Variants in MDGA1 observed in about 807,000 individuals in gnomAD.
MDGA1 encodes MAM domain-containing glycosylphosphatidylinositol anchor protein 1.
MDGA1 carries 54 observed loss-of-function variants against 101.5 expected under a neutral mutation model. The observed-to-expected ratio is 0.53, with a 90% CI of 0.43 to 0.67. MDGA1 has a LOEUF of 0.67. Among genes scored for constraint, MDGA1 ranks in the 30% least tolerant of loss-of-function variants. The probability of loss-of-function intolerance (pLI) is 0.00; values close to 1 mark genes in which losing one functional copy is unlikely to be tolerated. For missense variants in MDGA1, 1,083 were observed against 1,323.8 expected (o/e 0.82, Z 2.82); for synonymous variants, 533 against 558.3 (o/e 0.95, Z 0.64).
chr6:37,671,607 C>T (rs1157057140), intron 1 of MDGA1, among the ~76,000 whole-genome samples: 1 of 152,182 alleles, frequency 6.6e-6, no homozygotes, highest in Non-Finnish European at 1.5e-5. Context: ...TAGGGGCTTC[C>T]AGCACCCAGT....
rs1581857609 is a variant in MDGA1 at position 37,651,899 on chromosome 6, G to C, written c.1312+112C>G. 17 of 836,018 alleles carry C rather than the reference G, an allele frequency of 2.0e-5. No individual in the cohort carries two copies. The East Asian group carries it at 4.6e-4, about 22-fold the overall frequency. 51.8% of individuals were successfully genotyped at this position (836,018 alleles called of 1,614,324 possible). ...TAAAAGCACGTGGCATGAACAAGTG[G>C]TGGCCTCCTCACTCTGGCTTCCCTT... On this transcript the variant is annotated intron_variant, in intron 7 of 16. Transcript: ENST00000434837.
chr6:37,690,114 T>C (rs1234944010), intron 1 of MDGA1, among the ~76,000 whole-genome samples: 1 of 152,212 alleles, frequency 6.6e-6, no homozygotes, highest in Admixed American at 6.5e-5. Context: ...CACATTGGAC[T>C]CCTCACTGTT....
At chr6:37,680,082 T>C (rs1762062004) in intron 1 of MDGA1, among the ~76,000 whole-genome samples, 1 of 152,184 alleles carries the variant, frequency 6.6e-6, no homozygotes. Context: ...GAGCTGCTAG[T>C]TACTGACACC....
intron 2 of MDGA1, among the ~76,000 whole-genome samples, chr6:37,660,309 C>G (rs1023739029): frequency 6.6e-6 from 1 of 151,968 alleles, no homozygotes; most frequent in South Asian, 2.1e-4. Flanking sequence ...AGCCACTGCA[C>G]CTGGTCCTTC....
In MDGA1 at chr6:37,686,871, C is replaced by A. The variant is rs146555484; in HGVS notation, c.67+9874G>T. Among the ~76,000 whole-genome samples the A allele has an allele frequency of 6.0e-3, 908 of 152,288 alleles. 13 individuals are homozygous for A. The highest frequency in any genetic ancestry group is 0.02 in the African/African-American group (850 of 41,560). ...TTGAGAAAGTCATCATTTGTTTAAGCCTTTCTGGTCAGGTCTTTCTTTCTA... is the reference window on the plus strand; with the variant it reads ...TTGAGAAAGTCATCATTTGTTTAAGACTTTCTGGTCAGGTCTTTCTTTCTA... On this transcript the variant is annotated intron_variant, in intron 1 of 16. Transcript: ENST00000434837.
Position 37,655,064 on chromosome 6 carries a change from C to T in MDGA1, c.580-132G>A. The T allele has an allele frequency of 8.6e-7, 1 of 1,158,564 alleles. No individual in the cohort carries two copies. Among genetic ancestry groups the T allele is most frequent in the Non-Finnish European group, 1.2e-6 (1 of 831,968 alleles). 71.8% of individuals were successfully genotyped at this position (1,158,564 alleles called of 1,614,324 possible). A position where few individuals can be genotyped will look rare whatever the true frequency, so the allele number is the denominator to read the frequency against. ...CTCTCTTTCCATCCCCAACCCCACCCTCACCATTTAGCCCCAGGGGTCCTG... is the reference window on the plus strand; with the variant it reads ...CTCTCTTTCCATCCCCAACCCCACCTTCACCATTTAGCCCCAGGGGTCCTG... On this transcript the variant is annotated intron_variant, in intron 4 of 16. Coordinates refer to ENST00000434837, the MANE Select transcript of MDGA1 (RefSeq NM_153487.4). This position sits in a 1 kb window ranked among gnomAD's most constrained non-coding sequence, Gnocchi z 5.1.
rs556942747 is a variant in MDGA1 at position 37,696,121 on chromosome 6, G to C, written c.67+624C>G. Among the ~76,000 whole-genome samples the C allele has an allele frequency of 2.6e-5, 4 of 152,328 alleles. No individual in the cohort carries two copies. The highest frequency in any genetic ancestry group is 4.1e-4 in the South Asian group (2 of 4,830). On this transcript the variant is annotated intron_variant, in intron 1 of 16. Coordinates refer to ENST00000434837, the MANE Select transcript of MDGA1 (RefSeq NM_153487.4). The surrounding 1 kb of genome is among the most constrained non-coding windows in gnomAD (Gnocchi z 5.6). ...ATCTGTGTGTGCGCGCAGGAAGGAA[G>C]GTGGGGTTGGGGTTTGTAGCCAAGA...
At chr6:37,650,045 G>C in intron 8 of MDGA1, 64 bp downstream of exon 8, 1 of 1,599,172 alleles carries the variant, frequency 6.3e-7, no homozygotes, top group African/African-American at 1.3e-5. Context: ...ATGAAGAGGG[G>C]ACAGGCCGGC....
intron 1 of MDGA1, among the ~76,000 whole-genome samples, chr6:37,689,221 C>A (rs1158160170): frequency 6.6e-6 from 1 of 152,212 alleles, no homozygotes; most frequent in African/African-American, 2.4e-5. Context: ...CTGGCCTCAG[C>A]CCAATCCCTT....
Position 37,652,387 on chromosome 6 carries a change from C to T in MDGA1, c.983-47G>A, listed in dbSNP as rs912344017. ...AGGGTAGTTGGGGTTGGCCTGACTC[C>T]AGGGGTCCATGTCCCACCCCAACCC... On this transcript the variant is annotated intron_variant, in intron 6 of 16. Transcript: ENST00000434837. The surrounding 1 kb of genome is among the most constrained non-coding windows in gnomAD (Gnocchi z 4.3). 1.4e-6 allele frequency: 2 copies of T among 1,477,674 alleles called. No individual in the cohort carries two copies. Among genetic ancestry groups the T allele is most frequent in the Non-Finnish European group, 1.8e-6 (2 of 1,090,836 alleles). 91.5% of individuals were successfully genotyped at this position (1,477,674 alleles called of 1,614,324 possible). A position where few individuals can be genotyped will look rare whatever the true frequency, so the allele number is the denominator to read the frequency against.
At chr6:37,654,731 T>TGG (rs2114029561) in intron 5 of MDGA1, 69 bp downstream of exon 5, 1 of 1,594,664 alleles carries the variant, frequency 6.3e-7, no homozygotes, top group East Asian at 2.2e-5. Context: ...CCCTGTGGGG[T>TGG]GGGGCACTAT....
rs1218257929 is a variant in MDGA1 at position 37,636,408 on chromosome 6, C to T, written c.*960G>A. On this transcript the variant is annotated 3_prime_UTR_variant, in exon 17 of 17. Transcript: ENST00000434837. ...CCAAGTAGATAAGAAATGAAGGCCCCTCTCCACTTCCAAATTCATTGTCTG... is the reference window on the plus strand; with the variant it reads ...CCAAGTAGATAAGAAATGAAGGCCCTTCTCCACTTCCAAATTCATTGTCTG... 1.3e-5 allele frequency: 2 copies of T among 152,264 alleles called. No individual in the cohort carries two copies. The highest frequency in any genetic ancestry group is 2.4e-5 in the African/African-American group (1 of 41,466). The allele number at this position is 152,264 out of a possible 1,614,324, so 9.4% of individuals were successfully genotyped here.
intron 6 of MDGA1, among the ~76,000 whole-genome samples, chr6:37,653,471 TTTATGTTCA>T (rs1362491472): frequency 6.6e-6 from 1 of 152,204 alleles, no homozygotes; most frequent in Non-Finnish European, 1.5e-5. Context: ...GAAGCTGTAC[TTTATGTTCA>T]AGTGCTAAAG....
chr6:37,654,559 G>A lies in MDGA1; in HGVS notation c.713-16C>T. 6.2e-7 allele frequency: 1 copy of A among 1,613,960 alleles called. No homozygotes were observed. The highest frequency in any genetic ancestry group is 8.5e-7 in the Non-Finnish European group (1 of 1,179,862). Reference sequence around the variant, plus strand: ...GCTGGTGGTGCTAAGAGGACAAGGAGGGGGGTCTTAGGGGACTGTGAGGCA... The same window carrying A: ...GCTGGTGGTGCTAAGAGGACAAGGAAGGGGGTCTTAGGGGACTGTGAGGCA... On this transcript the variant is annotated splice_polypyrimidine_tract_variant and intron_variant, in intron 5 of 16. Coordinates refer to ENST00000434837, the MANE Select transcript of MDGA1 (RefSeq NM_153487.4).
intron 1 of MDGA1, among the ~76,000 whole-genome samples, chr6:37,682,750 A>G (rs1762123522): frequency 6.6e-6 from 1 of 152,188 alleles, no homozygotes; most frequent in Admixed American, 6.5e-5. Context: ...CAGCACCTAG[A>G]ACAGAGTCTG....
intron 1 of MDGA1, among the ~76,000 whole-genome samples, chr6:37,691,905 A>C (rs770959214): frequency 1.3e-5 from 2 of 152,212 alleles, no homozygotes; most frequent in African/African-American, 2.4e-5. Flanking sequence ...CAGCCTTACC[A>C]GAGCAAGAGC....
rs1196669899 is a variant in MDGA1, at chr6:37,655,873, C to A, written c.406G>T (p.Val136Leu). The A allele has an allele frequency of 6.2e-7, 1 of 1,613,026 alleles. No homozygotes were observed. Among genetic ancestry groups the A allele is most frequent in the Admixed American group, 1.7e-5 (1 of 59,960 alleles). Reference sequence around the variant, plus strand: ...CGCACATCGCTCACCGTCTGGTGCACCGTCAGCATTGGCTCATCCAGGTCT... The same window carrying A: ...CGCACATCGCTCACCGTCTGGTGCAACGTCAGCATTGGCTCATCCAGGTCT... The part of the protein sequence containing the change: ...VQYLDEPMLT[V>L]HQTVSDVRGN... The change falls in exon 4 of 17, where the codon GTG (valine) becomes TTG (leucine). Residue 136 changes from valine to leucine, a missense_variant. Val to Leu is a conservative substitution (Grantham distance 32). Transcript: ENST00000434837. The surrounding 1 kb of genome is among the most constrained non-coding windows in gnomAD (Gnocchi z 5.1).
At chr6:37,646,011 G>A in intron 11 of MDGA1, 55 bp from the exon 12 acceptor site, 1 of 1,612,872 alleles carries the variant, frequency 6.2e-7, no homozygotes, top group Non-Finnish European at 8.5e-7. Context: ...GCTCTGCAGA[G>A]GATACCCTGC....
Position 37,658,433 on chromosome 6 carries a change from C to A in MDGA1, c.208-14G>T. ...GGTCCACCGTACCTGGGCCGCCAGG[C>A]GGGGCAGAGTCAGACTGTCAGACTC... is the stretch of plus-strand genomic sequence containing the variant. On this transcript the variant is annotated splice_polypyrimidine_tract_variant and intron_variant, in intron 2 of 16. Transcript: ENST00000434837. 1.3e-6 allele frequency: 2 copies of A among 1,596,598 alleles called. No homozygotes were observed. The highest frequency in any genetic ancestry group is 1.1e-5 in the South Asian group (1 of 89,056).
Sources: allele counts gnomAD v4.1 joint callset (sites outside exome capture counted in the v4.1 genomes callset), GRCh38; gene constraint gnomAD v4.1.1; non-coding constraint Gnocchi (gnomAD v3.1); transcripts MANE v1.5; gene names NCBI Gene and HGNC (gene_info 2026-07-23, HGNC 2026-07-21).